CNTN4: variants seen among roughly 807,000 people sequenced by gnomAD.
The protein encoded by CNTN4 is contactin 4, also known as contactin-4.
A neutral mutation model predicts 122.5 loss-of-function variants in CNTN4; 77 were observed. The ratio of observed to expected loss-of-function variants is 0.63; its 90% CI spans 0.52 to 0.76. The LOEUF is 0.76. CNTN4 is among the 30% of genes least tolerant of loss of function. CNTN4 has a pLI of 0.00. For synonymous variants in CNTN4, 512 were observed against 447.0 expected, an observed-to-expected ratio of 1.15 and a Z score of -1.83; for missense variants, 1,256 against 1,259.1, an observed-to-expected ratio of 1.00 and a Z score of 0.04.
At chr3:2,853,252 GT>G (rs2093576082) in intron 7 of CNTN4, among the ~76,000 whole-genome samples, 1 of 151,690 alleles carries the variant, frequency 6.6e-6, no homozygotes. Context: ...GTTTTGTTTT[GT>G]TTTGTTTTTG....
At chr3:2,593,849 C>T (rs1024136723) in intron 4 of CNTN4, among the ~76,000 whole-genome samples, 1 of 152,028 alleles carries the variant, frequency 6.6e-6, no homozygotes, top group Non-Finnish European at 1.5e-5. Flanking sequence ...CATCTGAAGT[C>T]GTCAAATATA....
At chr3:2,248,435 A>T (rs1381436424) in intron 2 of CNTN4, among the ~76,000 whole-genome samples, 3 of 152,026 alleles carry the variant, frequency 2.0e-5, no homozygotes, top group Admixed American at 6.6e-5. Context: ...AATTTTGTTT[A>T]TACAGAATTG....
rs570503245 is a variant in CNTN4, at chr3:3,006,097, T to C, written c.1486+17625T>C. ...TAGAGACGGGGTTTCAGGATGGTCTTGATCTCCTGACCTTGTGATCCGCCC... is the reference window on the plus strand; with the variant it reads ...TAGAGACGGGGTTTCAGGATGGTCTCGATCTCCTGACCTTGTGATCCGCCC... On this transcript the variant is annotated intron_variant, in intron 14 of 24. Transcript: ENST00000418658. Among the ~76,000 whole-genome samples, 17 of 152,136 alleles carry C rather than the reference T, an allele frequency of 1.1e-4. No individual in the cohort carries two copies. In the East Asian group the frequency reaches 2.1e-3, roughly 19 times the overall value.
Position 2,850,278 on chromosome 3 carries a change from G to T in CNTN4, c.455-16474G>T, listed in dbSNP as rs116725476. Among the ~76,000 whole-genome samples the T allele has an allele frequency of 5.6e-3, 855 of 152,214 alleles. 9 individuals carry two copies. The highest frequency in any genetic ancestry group is 0.02 in the African/African-American group (827 of 41,540). On this transcript the variant is annotated intron_variant, in intron 7 of 24. Coordinates refer to ENST00000418658, the MANE Select transcript of CNTN4 (RefSeq NM_175607.3). The stretch of plus-strand genomic sequence containing the variant: ...GCAGGGATTACAGGCGTGAGCCTCC[G>T]CGCCTGGCCAGCAATCACTTTTTAA...
intron 12 of CNTN4, among the ~76,000 whole-genome samples, chr3:2,908,770 G>A (rs1229860844): frequency 1.3e-5 from 2 of 152,148 alleles, no homozygotes; most frequent in African/African-American, 4.8e-5. Flanking sequence ...CATCCCTAAG[G>A]GTGAGTGGGT....
At chr3:2,356,604 A>G (rs1056651329) in intron 3 of CNTN4, among the ~76,000 whole-genome samples, 17 of 152,180 alleles carry the variant, frequency 1.1e-4, no homozygotes, top group Non-Finnish European at 2.1e-4. Context: ...TTTATCAGCA[A>G]AGTCTTTCTG....
Position 2,897,044 on chromosome 3 carries a change from C to A in CNTN4, c.941-3641C>A, listed in dbSNP as rs147914172. On this transcript the variant is annotated intron_variant, in intron 10 of 24. Coordinates refer to ENST00000418658, the MANE Select transcript of CNTN4 (RefSeq NM_175607.3). ...TTAGAAATTTCTGTTTTTAGAAAATCGAAGCGCCAAATACTCCTGAGAATT... is the reference window on the plus strand; with the variant it reads ...TTAGAAATTTCTGTTTTTAGAAAATAGAAGCGCCAAATACTCCTGAGAATT... Among the ~76,000 whole-genome samples the A allele has an allele frequency of 4.8e-3, 714 of 148,366 alleles. 4 individuals are homozygous for A. The highest frequency in any genetic ancestry group is 0.017 in the African/African-American group (672 of 40,074).
At chr3:2,982,409 C>T (rs1259860842) in intron 13 of CNTN4, among the ~76,000 whole-genome samples, 2 of 152,144 alleles carry the variant, frequency 1.3e-5, no homozygotes, top group Non-Finnish European at 2.9e-5. Context: ...GCTTATATAA[C>T]TGGGGCGTCC....
intron 13 of CNTN4, among the ~76,000 whole-genome samples, chr3:2,951,259 G>A (rs928483957): frequency 8.5e-5 from 13 of 152,202 alleles, no homozygotes; most frequent in East Asian, 3.9e-4. Context: ...GATGGCGGGT[G>A]GGGTGGGAGG....
intron 3 of CNTN4, chr3:2,362,604 T>C: frequency 2.0e-6 from 1 of 498,636 alleles, no homozygotes; most frequent in South Asian, 1.6e-5. Context: ...ACTCCTTGTG[T>C]GTAAGAAGAT....
At chr3:2,306,666 A>T (rs1250583236) in intron 2 of CNTN4, among the ~76,000 whole-genome samples, 1 of 152,118 alleles carries the variant, frequency 6.6e-6, no homozygotes, top group Non-Finnish European at 1.5e-5. Flanking sequence ...AACAACCTTA[A>T]ACTTTTACAA....
intron 2 of CNTN4, among the ~76,000 whole-genome samples, chr3:2,291,405 A>G (rs900202834): frequency 3.3e-5 from 5 of 152,324 alleles, no homozygotes; most frequent in African/African-American, 7.2e-5. Context: ...TTGACATGCA[A>G]TTAGACTAGC....
intron 3 of CNTN4, among the ~76,000 whole-genome samples, chr3:2,444,788 C>T (rs1383507998): frequency 2.0e-5 from 3 of 152,018 alleles, no homozygotes. Flanking sequence ...AATGTCCTTC[C>T]AACCCTGTTG....
chr3:2,256,558 C>G (rs79571984), intron 2 of CNTN4, among the ~76,000 whole-genome samples: 2 of 152,158 alleles, frequency 1.3e-5, no homozygotes, highest in Non-Finnish European at 2.9e-5. Flanking sequence ...TACTGGCAAA[C>G]CGAATCCAGC....
intron 3 of CNTN4, among the ~76,000 whole-genome samples, chr3:2,544,596 T>G (rs2149318913): frequency 6.6e-6 from 1 of 152,182 alleles, no homozygotes; most frequent in East Asian, 1.9e-4. Flanking sequence ...TGGTTCAGTT[T>G]TGGGAGATTG....
At chr3:2,441,355 G>A (rs1229589427) in intron 3 of CNTN4, among the ~76,000 whole-genome samples, 1 of 152,126 alleles carries the variant, frequency 6.6e-6, no homozygotes, top group African/African-American at 2.4e-5. Context: ...TCTTATTTAA[G>A]CCTCCTGCCT....
intron 7 of CNTN4, among the ~76,000 whole-genome samples, chr3:2,840,701 A>G (rs948099105): frequency 2.6e-5 from 4 of 151,600 alleles, no homozygotes; most frequent in Non-Finnish European, 4.4e-5. Flanking sequence ...TCCGTCTCCA[A>G]AAAATAAAAA....
At chr3:3,051,218 A>G (rs1335581528) in intron 23 of CNTN4, among the ~76,000 whole-genome samples, 3 of 152,196 alleles carry the variant, frequency 2.0e-5, no homozygotes, top group African/African-American at 7.2e-5. Context: ...GAAGTAGTCT[A>G]TAATATTTGC....
At chr3:2,554,689 T>C (rs1054941247) in intron 3 of CNTN4, among the ~76,000 whole-genome samples, 2 of 152,184 alleles carry the variant, frequency 1.3e-5, no homozygotes, top group African/African-American at 4.8e-5. Flanking sequence ...TCATAGGCAA[T>C]GCCAAAATGA....
Sources: gnomAD v4.1 joint callset for allele counts (sites outside exome capture counted in the v4.1 genomes callset) on GRCh38, gnomAD v4.1.1 for gene constraint, MANE v1.5 for transcripts, NCBI Gene and HGNC (gene_info 2026-07-23, HGNC 2026-07-21) for gene names.